The following CAVIN1 variants were observed in gnomAD, a reference collection of about 807,000 sequenced individuals.
CAVIN1 encodes caveolae associated protein 1.
CAVIN1 carries 16 observed loss-of-function variants against 24.0 expected under a neutral mutation model. The ratio of observed to expected loss-of-function variants is 0.67; its 90% confidence interval spans 0.45 to 1.01. CAVIN1 has a LOEUF of 1.01. CAVIN1 is among the 50% of genes least tolerant of loss of function. The probability of loss-of-function intolerance (pLI) is 0.00; values close to 1 mark genes in which losing one functional copy is unlikely to be tolerated. For synonymous variants in CAVIN1, 256 were observed against 256.4 expected, an observed-to-expected ratio of 1.00 and a Z score of 0.02; for missense variants, 510 against 551.7, an observed-to-expected ratio of 0.92 and a Z score of 0.76.
rs2085570124 is a variant in CAVIN1 at position 42,423,252 on chromosome 17, G to A, written c.-155C>T. ...TCCGTGCGCACCGGGACAGCGGCCA[G>A]AACTGCTGGGCGGGGGATCGGTGAG... On this transcript the variant is annotated 5_prime_UTR_variant, in exon 1 of 2. Coordinates refer to ENST00000357037, the MANE Select transcript of CAVIN1 (RefSeq NM_012232.6). 2 of 644,648 alleles carry A rather than the reference G, an allele frequency of 3.1e-6. No homozygotes were observed. Among genetic ancestry groups the A allele is most frequent in the African/African-American group, 3.7e-5 (2 of 54,608 alleles). The allele number at this position is 644,648 out of a possible 1,614,324, so 39.9% of individuals were successfully genotyped here. A position where few individuals can be genotyped will look rare whatever the true frequency, so the allele number is the denominator to read the frequency against.
chr17:42,421,110 T>C (rs2085542386), intron 1 of CAVIN1, among the ~76,000 whole-genome samples: 2 of 152,160 alleles, frequency 1.3e-5, no homozygotes. Flanking sequence ...ATATGCCTCC[T>C]GGGAGGAGTC....
intron 1 of CAVIN1, chr17:42,411,565 A>G (rs1457711349): frequency 1.0e-6 from 1 of 985,252 alleles, no homozygotes; most frequent in Non-Finnish European, 1.2e-6. Flanking sequence ...TTTGCAAAGC[A>G]TTTTCTAAAA....
At chr17:42,405,731 G>A (rs1428306487) in intron 1 of CAVIN1, among the ~76,000 whole-genome samples, 1 of 141,606 alleles carries the variant, frequency 7.1e-6, no homozygotes, top group Non-Finnish European at 1.5e-5. Context: ...CTGTTGCCGA[G>A]GCTGGAGTGC....
At chr17:42,405,939 G>T (rs1417510973) in intron 1 of CAVIN1, among the ~76,000 whole-genome samples, 1 of 152,000 alleles carries the variant, frequency 6.6e-6, no homozygotes, top group African/African-American at 2.4e-5. Context: ...CGCCCGCCTC[G>T]GCCTCCCAAA....
chr17:42,421,966 T>G (rs1156490141), intron 1 of CAVIN1, among the ~76,000 whole-genome samples: 1 of 151,482 alleles, frequency 6.6e-6, no homozygotes, highest in Non-Finnish European at 1.5e-5. Flanking sequence ...CGGGTGAGGG[T>G]GTCCTCAAGG....
chr17:42,411,203 A>AAAAAAAAAAAAAAAAAAAC (rs1555586974), intron 1 of CAVIN1, among the ~76,000 whole-genome samples: 13 of 147,292 alleles, frequency 8.8e-5, no homozygotes, highest in South Asian at 2.2e-4. Flanking sequence ...AAAAAAAAAA[A>AAAAAAAAAAAAAAAAAAAC]AAAAAACTAA....
chr17:42,403,473 C>CT lies in CAVIN1; in HGVS notation c.*1213dup. 6.5e-6 allele frequency: 1 copy of CT among 152,960 alleles called. No individual in the cohort carries two copies. Among genetic ancestry groups the CT allele is most frequent in the Non-Finnish European group, 1.5e-5 (1 of 68,122 alleles). The allele number at this position is 152,960 out of a possible 1,614,324, so 9.5% of individuals were successfully genotyped here. ...GAGGGATCGGGTGGGGCTGACCTCT[C>CT]TGTCTTCTTTGGATCATCGCCTTCT... On this transcript the variant is annotated 3_prime_UTR_variant, in exon 2 of 2. Transcript: ENST00000357037.
At position 42,423,056 on chromosome 17, in the gene CAVIN1, G is replaced by A. The variant is rs1399683692; in HGVS notation, c.42C>T (p.Pro14=). ...PTLYIVERPL[P]GYPDAEAPEP... The stretch of plus-strand genomic sequence containing the variant: ...CCGGGGCCTCGGCGTCGGGGTACCC[G>A]GGAAGCGGCCGCTCGACAATATAGA... Residue 14 remains proline, a synonymous_variant, in exon 1 of 2, where the codon CCC becomes CCT. Transcript: ENST00000357037. 2 of 1,607,276 alleles carry A rather than the reference G, an allele frequency of 1.2e-6. No individual in the cohort carries two copies. The highest frequency in any genetic ancestry group is 1.1e-5 in the South Asian group (1 of 90,440).
rs868789955 is a variant in CAVIN1, at chr17:42,404,769, C to T, written c.1091G>A (p.Gly364Glu). The change falls in exon 2 of 2, where the codon GGG (glycine) becomes GAG (glutamate). Residue 364 changes from glycine to glutamate, a missense_variant. Coordinates refer to ENST00000357037, the MANE Select transcript of CAVIN1 (RefSeq NM_012232.6). Reference protein sequence around the residue: ...ERGEAGDLRRGSSPDVHALLE... With the variant: ...ERGEAGDLRRESSPDVHALLE... ...CAGCGCGTGCACGTCGGGGCTGCTCCCGCGCCGCAGGTCGCCGGCCTCCCC... is the reference window on the plus strand; with the variant it reads ...CAGCGCGTGCACGTCGGGGCTGCTCTCGCGCCGCAGGTCGCCGGCCTCCCC... 1 of 1,577,144 alleles carries T rather than the reference C, an allele frequency of 6.3e-7. No homozygotes were observed. Among genetic ancestry groups the T allele is most frequent in the Non-Finnish European group, 8.6e-7 (1 of 1,163,724 alleles).
At chr17:42,408,180 G>A (rs755769380) in intron 1 of CAVIN1, among the ~76,000 whole-genome samples, 2 of 152,060 alleles carry the variant, frequency 1.3e-5, no homozygotes, top group Admixed American at 6.6e-5. Context: ...GACAGGCAGG[G>A]AATAGTCAGG....
intron 1 of CAVIN1, chr17:42,411,903 T>C (rs935275259): frequency 2.0e-6 from 2 of 985,270 alleles, no homozygotes; most frequent in African/African-American, 3.5e-5. Context: ...ATAACGCCAG[T>C]GTTCTCACAG....
intron 1 of CAVIN1, among the ~76,000 whole-genome samples, chr17:42,405,735 G>A (rs1028889050): frequency 1.4e-4 from 21 of 145,660 alleles, no homozygotes; most frequent in Admixed American, 6.9e-4. Context: ...TGCCGAGGCT[G>A]GAGTGCAGTG....
At chr17:42,411,862 A>G in intron 1 of CAVIN1, 3 of 985,306 alleles carry the variant, frequency 3.0e-6, no homozygotes, top group Non-Finnish European at 3.6e-6. Flanking sequence ...TCCCATCCCC[A>G]CTGTATACAT....
At chr17:42,413,526 T>C (rs1401169945) in intron 1 of CAVIN1, among the ~76,000 whole-genome samples, 1 of 125,396 alleles carries the variant, frequency 8.0e-6, no homozygotes, top group African/African-American at 3.1e-5. Context: ...GCCACTTCAC[T>C]CTAGCCTGGG....
At chr17:42,413,124 G>C (rs1436802316) in intron 1 of CAVIN1, among the ~76,000 whole-genome samples, 1 of 151,194 alleles carries the variant, frequency 6.6e-6, no homozygotes, top group Non-Finnish European at 1.5e-5. Context: ...GCAGAGATAG[G>C]GTTTCACCAT....
intron 1 of CAVIN1, among the ~76,000 whole-genome samples, chr17:42,415,636 G>A (rs1002254440): frequency 1.5e-4 from 23 of 151,980 alleles, no homozygotes; most frequent in Middle Eastern, 3.4e-3. Flanking sequence ...GCTTGAGCCC[G>A]GACGACAGGG....
At chr17:42,420,235 T>G (rs1172501422) in intron 1 of CAVIN1, among the ~76,000 whole-genome samples, 1 of 152,208 alleles carries the variant, frequency 6.6e-6, no homozygotes, top group African/African-American at 2.4e-5. Flanking sequence ...TCCTCCCCCT[T>G]CAGCCGGACT....
intron 1 of CAVIN1, chr17:42,412,102 T>C: frequency 2.0e-6 from 2 of 985,074 alleles, no homozygotes; most frequent in Non-Finnish European, 2.4e-6. Context: ...AGGCTCTGGG[T>C]AATATGGCAG....
At chr17:42,416,735 G>A (rs1428903169) in intron 1 of CAVIN1, among the ~76,000 whole-genome samples, 2 of 152,110 alleles carry the variant, frequency 1.3e-5, no homozygotes, top group East Asian at 1.9e-4. Context: ...CAGTTTGGGA[G>A]GAAGGGATGT....
Sources: allele counts gnomAD v4.1 joint callset (sites outside exome capture counted in the v4.1 genomes callset), GRCh38; gene constraint gnomAD v4.1.1; transcripts MANE v1.5; gene names NCBI Gene and HGNC (gene_info 2026-07-23, HGNC 2026-07-21).